GEMIN2: variants seen among roughly 807,000 people sequenced by gnomAD.
GEMIN2 encodes the protein gem-associated protein 2.
GEMIN2 carries 37 observed loss-of-function variants against 45.8 expected under a neutral mutation model. The observed-to-expected ratio is 0.81, with a 90% CI of 0.62 to 1.06. The LOEUF (loss-of-function observed/expected upper bound fraction) is 1.06. GEMIN2 is among the 50% of genes least tolerant of loss of function. The pLI is 0.00. For synonymous variants in GEMIN2, 101 were observed against 111.5 expected (o/e 0.91, Z 0.60); for missense variants, 335 against 321.8 (o/e 1.04, Z -0.31).
chr14:39,136,434 T>C lies in GEMIN2; in HGVS notation c.771-6T>C, dbSNP rs1029498798. ...ATACATAAATTTTTTGTTTTTTTTT[T>C]ACTAGGTATTTTGACCAACGTGATT... On this transcript the variant is annotated splice_polypyrimidine_tract_variant and splice_region_variant and intron_variant, in intron 9 of 9. Transcript: ENST00000308317. 2.1e-6 allele frequency: 3 copies of C among 1,458,310 alleles called. No homozygotes were observed. Among genetic ancestry groups the C allele is most frequent in the Admixed American group, 1.7e-5 (1 of 59,682 alleles). 90.3% of individuals were successfully genotyped at this position (1,458,310 alleles called of 1,614,324 possible). A position where few individuals can be genotyped will look rare whatever the true frequency, so the allele number is the denominator to read the frequency against.
rs559125660 is a variant in GEMIN2, at chr14:39,132,522, C to G, written c.711+454C>G. ...CTCCTGCCTGGGCAACAGAGCAAGACTCTGTCTCAAAAAAGAAGTAGGTAA... is the reference window on the plus strand; with the variant it reads ...CTCCTGCCTGGGCAACAGAGCAAGAGTCTGTCTCAAAAAAGAAGTAGGTAA... On this transcript the variant is annotated intron_variant, in intron 8 of 9. Coordinates refer to ENST00000308317, the MANE Select transcript of GEMIN2 (RefSeq NM_003616.3). 6.0e-4 allele frequency among the ~76,000 whole-genome samples: 91 copies of G among 152,102 alleles called. 1 individual carries two copies. Among genetic ancestry groups the G allele is most frequent in the African/African-American group, 2.0e-3 (85 of 41,536 alleles).
At chr14:39,128,483 T>TTA in intron 7 of GEMIN2, 135 bp downstream of exon 7, 15 of 363,110 alleles carry the variant, frequency 4.1e-5, no homozygotes, top group Middle Eastern at 7.3e-4. Context: ...TTTTTTTCTT[T>TTA]TCTTTTTTTT....
chr14:39,124,923 C>T, intron 5 of GEMIN2, 69 bp from the exon 6 acceptor site: 1 of 760,902 alleles, frequency 1.3e-6, no homozygotes, highest in Non-Finnish European at 2.3e-6. Flanking sequence ...AAGAAATTCA[C>T]CAGTTTGAAA....
intron 9 of GEMIN2, 156 bp downstream of exon 9, chr14:39,133,875 C>CT (rs747370423): frequency 4.4e-6 from 2 of 454,364 alleles, no homozygotes; most frequent in African/African-American, 2.0e-5. Flanking sequence ...CTCACTAGAG[C>CT]TTTAACTTCC....
Position 39,132,070 on chromosome 14 carries a change from T to TA in GEMIN2, c.711+4dup. On this transcript the variant is annotated splice_region_variant and intron_variant, in intron 8 of 9. Transcript: ENST00000308317. ...TGCTCTGAAGTGAGGCTCTTAGTGG[T>TA]AAGTTGCAACTTACTGTTTAAAATT... The TA allele has an allele frequency of 2.1e-6, 3 of 1,398,260 alleles. No individual in the cohort carries two copies. The highest frequency in any genetic ancestry group is 3.0e-6 in the Non-Finnish European group (3 of 984,222). The allele number at this position is 1,398,260 out of a possible 1,614,324, so 86.6% of individuals were successfully genotyped here. A position where few individuals can be genotyped will look rare whatever the true frequency, so the allele number is the denominator to read the frequency against.
intron 4 of GEMIN2, among the ~76,000 whole-genome samples, chr14:39,118,934 C>T (rs911989906): frequency 6.6e-6 from 1 of 151,754 alleles, no homozygotes; most frequent in Non-Finnish European, 1.5e-5. Context: ...ACCACCATGC[C>T]CAGCTAATTG....
chr14:39,122,978 G>C (rs1017162360), intron 5 of GEMIN2, among the ~76,000 whole-genome samples: 1 of 152,078 alleles, frequency 6.6e-6, no homozygotes, highest in African/African-American at 2.4e-5. Flanking sequence ...TGAGTAGCCA[G>C]GGAAAAAATG....
rs759820223 is a variant in GEMIN2 at position 39,122,560 on chromosome 14, T to C, written c.486+17T>C. On this transcript the variant is annotated intron_variant, in intron 5 of 9. Transcript: ENST00000308317. ...TATGTACAAGTAAGGGCTGTGTGGA[T>C]AAACAGAACAAAAAGCATTTTAATT... 1 of 1,254,336 alleles carries C rather than the reference T, an allele frequency of 8.0e-7. No individual in the cohort carries two copies. Among genetic ancestry groups the C allele is most frequent in the Non-Finnish European group, 1.1e-6 (1 of 872,402 alleles). The allele number at this position is 1,254,336 out of a possible 1,614,324, so 77.7% of individuals were successfully genotyped here.
chr14:39,128,300 G>T lies in GEMIN2; in HGVS notation c.552G>T (p.Leu184Phe), dbSNP rs1355115598. Residue 184 changes from leucine to phenylalanine, a missense_variant, in exon 7 of 10, where the codon TTG becomes TTT. Coordinates refer to ENST00000308317, the MANE Select transcript of GEMIN2 (RefSeq NM_003616.3). ...RMNQATVTSVLEYLSNWFGER... is the reference protein window; with the variant it reads ...RMNQATVTSVFEYLSNWFGER... Reference sequence around the variant, plus strand: ...TTTAGGCAACAGTAACTAGTGTCTTGGAATATCTGAGTAATTGGTTTGGAG... The same window carrying T: ...TTTAGGCAACAGTAACTAGTGTCTTTGAATATCTGAGTAATTGGTTTGGAG... 3.2e-6 allele frequency: 5 copies of T among 1,567,526 alleles called. No individual in the cohort carries two copies. The highest frequency in any genetic ancestry group is 2.3e-5 in the South Asian group (2 of 88,496).
At chr14:39,123,769 G>A (rs1377367891) in intron 5 of GEMIN2, among the ~76,000 whole-genome samples, 4 of 121,674 alleles carry the variant, frequency 3.3e-5, no homozygotes, top group Non-Finnish European at 4.8e-5. Flanking sequence ...CATCCAGGCT[G>A]GAGTGCAGTA....
intron 3 of GEMIN2, 136 bp from the exon 4 acceptor site, chr14:39,118,404 A>G (rs1226351934): frequency 6.5e-6 from 4 of 613,180 alleles, no homozygotes; most frequent in East Asian, 2.7e-5. Flanking sequence ...TACCCAATAC[A>G]TGGTCTTTTA....
In GEMIN2 at chr14:39,136,482, T is replaced by G; in HGVS notation, c.*3T>G. 1 of 1,600,596 alleles carries G rather than the reference T, an allele frequency of 6.2e-7. No individual in the cohort carries two copies. ...ATTTAGCTGATGAGCCATCTTGATGTAGCTGATCTCTCAGGGATAGAAGAT... is the reference window on the plus strand; with the variant it reads ...ATTTAGCTGATGAGCCATCTTGATGGAGCTGATCTCTCAGGGATAGAAGAT... On this transcript the variant is annotated 3_prime_UTR_variant, in exon 10 of 10. Coordinates refer to ENST00000308317, the MANE Select transcript of GEMIN2 (RefSeq NM_003616.3).
intron 4 of GEMIN2, among the ~76,000 whole-genome samples, chr14:39,120,971 G>C (rs2052566374): frequency 6.6e-6 from 1 of 152,192 alleles, no homozygotes; most frequent in South Asian, 2.1e-4. Context: ...ATTTTGTTAA[G>C]GAGGTTATAT....
At chr14:39,117,785 A>G (rs551953911) in intron 2 of GEMIN2, among the ~76,000 whole-genome samples, 64 of 152,274 alleles carry the variant, frequency 4.2e-4, no homozygotes, top group African/African-American at 1.4e-3. Flanking sequence ...TCTCTGATTA[A>G]GGTGACTAAG....
chr14:39,136,133 A>G (rs897052773), intron 9 of GEMIN2, among the ~76,000 whole-genome samples: 2 of 152,184 alleles, frequency 1.3e-5, no homozygotes, highest in Non-Finnish European at 2.9e-5. Flanking sequence ...GTATATTGGC[A>G]GTCCTACACA....
chr14:39,127,090 C>CCTTT (rs760714095), intron 6 of GEMIN2, among the ~76,000 whole-genome samples: 2 of 124,576 alleles, frequency 1.6e-5, no homozygotes, highest in Non-Finnish European at 1.7e-5. Context: ...ACAAATACAT[C>CCTTT]TTTTTTTTTT....
intron 9 of GEMIN2, 81 bp downstream of exon 9, chr14:39,133,800 TTTGG>T (rs953354155): frequency 5.1e-5 from 42 of 824,858 alleles, no homozygotes; most frequent in African/African-American, 1.8e-4. Context: ...TTGGTTTTTG[TTTGG>T]TTGGTTTTTT....
At chr14:39,117,554 A>G (rs749426236) in intron 2 of GEMIN2, among the ~76,000 whole-genome samples, 1 of 152,224 alleles carries the variant, frequency 6.6e-6, no homozygotes, top group Non-Finnish European at 1.5e-5. Context: ...GTTTTGAAAT[A>G]TACAATAAAT....
At position 39,132,192 on chromosome 14, in the gene GEMIN2, C is replaced by T. The variant is rs1206501529; in HGVS notation, c.711+124C>T. 6 of 648,350 alleles carry T rather than the reference C, an allele frequency of 9.3e-6. No individual in the cohort carries two copies. The African/African-American group carries it at 1.1e-4, about 12-fold the overall frequency. 40.2% of individuals were successfully genotyped at this position (648,350 alleles called of 1,614,324 possible). ...ATTGGTGGCAATTAGATTTGTAAAG[C>T]CCAAAATAATAGTAGCTTAAATAAT... On this transcript the variant is annotated intron_variant, in intron 8 of 9. Transcript: ENST00000308317.
Sources: gnomAD v4.1 joint callset for allele counts (sites outside exome capture counted in the v4.1 genomes callset) on GRCh38, gnomAD v4.1.1 for gene constraint, MANE v1.5 for transcripts, NCBI Gene and HGNC (gene_info 2026-07-23, HGNC 2026-07-21) for gene names.